Variants in EPHA4 observed in about 807,000 individuals in gnomAD.
EPHA4 encodes the protein ephrin type-A receptor 4.
In EPHA4, 19 loss-of-function variants were observed where a neutral mutation model predicts 108.3. That is an observed-to-expected ratio of 0.18 (90% confidence interval 0.12 to 0.26). The LOEUF (loss-of-function observed/expected upper bound fraction) is 0.26. EPHA4 is among the 10% of genes least tolerant of loss of function. The pLI is 1.00. For missense variants in EPHA4, 917 were observed against 1,254.0 expected, an observed-to-expected ratio of 0.73 and a Z score of 4.06; for synonymous variants, 449 against 455.5, an observed-to-expected ratio of 0.99 and a Z score of 0.18.
chr2:221,436,706 C>T (rs377405769), intron 12 of EPHA4, 98 bp from the exon 13 acceptor site: 27 of 1,219,662 alleles, frequency 2.2e-5, no homozygotes, highest in Middle Eastern at 3.7e-4. Flanking sequence ...TATCTGTATC[C>T]GGTATGCAAT....
intron 3 of EPHA4, among the ~76,000 whole-genome samples, chr2:221,541,717 T>A (rs567209374): frequency 5.9e-5 from 9 of 152,322 alleles, no homozygotes; most frequent in African/African-American, 2.2e-4. Flanking sequence ...TTCCTTGGTC[T>A]GGACCAGCAG....
chr2:221,493,982 T>TCGA (rs1212397439), intron 4 of EPHA4, among the ~76,000 whole-genome samples: 1 of 152,222 alleles, frequency 6.6e-6, no homozygotes, highest in East Asian at 1.9e-4. Context: ...TTTGTTTGTT[T>TCGA]GGCACATTCG....
At chr2:221,475,751 T>G (rs139345796) in intron 5 of EPHA4, among the ~76,000 whole-genome samples, 23 of 152,362 alleles carry the variant, frequency 1.5e-4, no homozygotes, top group South Asian at 1.0e-3. Flanking sequence ...TTTTATATAA[T>G]TTCCAAATGT....
At chr2:221,511,466 C>T (rs1692826908) in intron 3 of EPHA4, among the ~76,000 whole-genome samples, 1 of 150,156 alleles carries the variant, frequency 6.7e-6, no homozygotes, top group African/African-American at 2.5e-5. Flanking sequence ...GTTTCTGTAC[C>T]TCACTTCCGA....
At chr2:221,499,650 G>C (rs997276703) in intron 4 of EPHA4, among the ~76,000 whole-genome samples, 2 of 138,780 alleles carry the variant, frequency 1.4e-5, no homozygotes, top group African/African-American at 5.4e-5. Context: ...GCTCCAGATT[G>C]GCCAAAATAC....
intron 14 of EPHA4, 34 bp downstream of exon 14, chr2:221,434,108 G>A: frequency 5.7e-6 from 9 of 1,587,128 alleles, no homozygotes; most frequent in Non-Finnish European, 7.7e-6. Context: ...GAATCTCAAT[G>A]TGAAAAAATA....
intron 3 of EPHA4, among the ~76,000 whole-genome samples, chr2:221,502,808 G>A (rs1414227003): frequency 3.3e-5 from 5 of 152,192 alleles, no homozygotes; most frequent in African/African-American, 1.2e-4. Flanking sequence ...ACTTTATGAC[G>A]TGTGGAGCAC....
In EPHA4 at chr2:221,419,687, T is replaced by C. The variant is rs921218520; in HGVS notation, c.*1685A>G. ...AATTACTTCACCATTAAGGTGAAAA[T>C]GCCTCTGTCCAAAGCTGTAGAATTC... On this transcript the variant is annotated 3_prime_UTR_variant, in exon 18 of 18. Coordinates refer to ENST00000281821, the MANE Select transcript of EPHA4 (RefSeq NM_004438.5). The C allele has an allele frequency of 2.6e-5, 4 of 152,494 alleles. No individual in the cohort carries two copies. Among genetic ancestry groups the C allele is most frequent in the Non-Finnish European group, 5.9e-5 (4 of 68,034 alleles). 9.4% of individuals were successfully genotyped at this position (152,494 alleles called of 1,614,324 possible).
At chr2:221,518,120 G>A (rs1423398201) in intron 3 of EPHA4, among the ~76,000 whole-genome samples, 1 of 152,184 alleles carries the variant, frequency 6.6e-6, no homozygotes, top group Non-Finnish European at 1.5e-5. Flanking sequence ...TTGGGAGGCA[G>A]AAAATAGGTA....
chr2:221,545,213 CG>C (rs1263364447), intron 3 of EPHA4, among the ~76,000 whole-genome samples: 2 of 22,530 alleles, frequency 8.9e-5, no homozygotes, highest in Non-Finnish European at 1.7e-4. Context: ...TTTGGGAGAC[CG>C]AGGTGGGCGG....
At chr2:221,527,332 G>A (rs1322176045) in intron 3 of EPHA4, among the ~76,000 whole-genome samples, 1 of 152,174 alleles carries the variant, frequency 6.6e-6, no homozygotes, top group Admixed American at 6.5e-5. Context: ...CACCTGCCGA[G>A]TCTCTCATCA....
intron 17 of EPHA4, among the ~76,000 whole-genome samples, chr2:221,421,084 T>G (rs1197755067): frequency 6.6e-6 from 1 of 151,916 alleles, no homozygotes; most frequent in Non-Finnish European, 1.5e-5. Context: ...GATCACGAGG[T>G]CAGGAGATTG....
Position 221,515,909 on chromosome 2 carries a change from T to G in EPHA4, c.824-14737A>C, listed in dbSNP as rs183551566. Among the ~76,000 whole-genome samples, 229 of 150,460 alleles carry G rather than the reference T, an allele frequency of 1.5e-3. 3 individuals are homozygous for G. Among genetic ancestry groups the G allele is most frequent in the Non-Finnish European group, 6.9e-4 (47 of 67,854 alleles). On this transcript the variant is annotated intron_variant, in intron 3 of 17. Coordinates refer to ENST00000281821, the MANE Select transcript of EPHA4 (RefSeq NM_004438.5). ...TTTTATTTTTTAAAATAGGATTTTT[T>G]CCCCCTAGCCTTGAGGCAGGATCAT...
intron 2 of EPHA4, among the ~76,000 whole-genome samples, chr2:221,565,052 G>T (rs1694587536): frequency 6.6e-6 from 1 of 152,026 alleles, no homozygotes; most frequent in East Asian, 1.9e-4. Flanking sequence ...TATAACAGTA[G>T]ACAACTTTTC....
At chr2:221,456,395 G>T (rs1344821827) in intron 7 of EPHA4, among the ~76,000 whole-genome samples, 1 of 152,104 alleles carries the variant, frequency 6.6e-6, no homozygotes, top group Non-Finnish European at 1.5e-5. Context: ...TCATTCATAG[G>T]AAAAGACAAA....
chr2:221,566,198 A>G (rs1269774843), intron 2 of EPHA4, among the ~76,000 whole-genome samples: 1 of 151,890 alleles, frequency 6.6e-6, no homozygotes, highest in Non-Finnish European at 1.5e-5. Flanking sequence ...TCTAATTTAT[A>G]TTTTCCTTGG....
intron 11 of EPHA4, among the ~76,000 whole-genome samples, chr2:221,439,408 A>C (rs946085057): frequency 1.5e-4 from 22 of 151,592 alleles, no homozygotes; most frequent in African/African-American, 5.3e-4. Context: ...AGACAGGAGA[A>C]TCACTTGAGC....
chr2:221,447,137 C>T (rs1346238746), intron 8 of EPHA4, among the ~76,000 whole-genome samples: 3 of 152,198 alleles, frequency 2.0e-5, no homozygotes, highest in Admixed American at 6.5e-5. Context: ...AAGTCAACTC[C>T]GTTGATATCA....
intron 1 of EPHA4, among the ~76,000 whole-genome samples, chr2:221,569,012 C>T (rs549808002): frequency 7.9e-4 from 121 of 152,262 alleles, no homozygotes; most frequent in East Asian, 9.7e-4. Flanking sequence ...ATTTAAAATT[C>T]CATCCTAGGA....
Sources: allele counts gnomAD v4.1 joint callset (sites outside exome capture counted in the v4.1 genomes callset), GRCh38; gene constraint gnomAD v4.1.1; transcripts MANE v1.5; gene names NCBI Gene and HGNC (gene_info 2026-07-23, HGNC 2026-07-21).